THSD4: variants seen among roughly 807,000 people sequenced by gnomAD.
The protein encoded by THSD4 is thrombospondin type-1 domain-containing protein 4.
A neutral mutation model predicts 119.0 loss-of-function variants in THSD4; 69 were observed. The observed-to-expected ratio is 0.58, with a 90% confidence interval of 0.48 to 0.71. THSD4 has a LOEUF of 0.71. THSD4 is among the 30% of genes least tolerant of loss of function. The pLI is 0.00. For missense variants in THSD4, 1,393 were observed against 1,391.1 expected (o/e 1.00, Z -0.02); for synonymous variants, 524 against 540.4 (o/e 0.97, Z 0.42).
intron 7 of THSD4, among the ~76,000 whole-genome samples, chr15:71,613,532 A>T (rs142851993): frequency 1.3e-5 from 2 of 152,336 alleles, no homozygotes; most frequent in Non-Finnish European, 2.9e-5. Flanking sequence ...ACATATATAA[A>T]ATAAGTCACA....
intron 7 of THSD4, among the ~76,000 whole-genome samples, chr15:71,520,297 G>C (rs1456093016): frequency 6.6e-6 from 1 of 152,194 alleles, no homozygotes; most frequent in African/African-American, 2.4e-5. Context: ...CGTGACCTGG[G>C]AGGTTTTGAT....
intron 5 of THSD4, among the ~76,000 whole-genome samples, chr15:71,251,962 C>T (rs1312924232): frequency 1.3e-5 from 2 of 152,160 alleles, no homozygotes; most frequent in East Asian, 1.9e-4. Context: ...TATTAAAGTA[C>T]GTCTTTATTT....
At chr15:71,754,182 C>T (rs568100899) in intron 14 of THSD4, among the ~76,000 whole-genome samples, 112 of 151,084 alleles carry the variant, frequency 7.4e-4, no homozygotes, top group Admixed American at 1.4e-3. Flanking sequence ...CTCCACCTCC[C>T]GGGTTCAAGC....
intron 7 of THSD4, among the ~76,000 whole-genome samples, chr15:71,468,018 T>G (rs973306785): frequency 2.6e-5 from 4 of 152,010 alleles, no homozygotes; most frequent in African/African-American, 9.7e-5. Flanking sequence ...CTGGCTAATT[T>G]TTGTATTTTT....
intron 8 of THSD4, among the ~76,000 whole-genome samples, chr15:71,708,442 G>A (rs1205670312): frequency 6.6e-6 from 1 of 152,174 alleles, no homozygotes; most frequent in Admixed American, 6.5e-5. Flanking sequence ...ACCTGTAGTA[G>A]GGTCAGTAAT....
At chr15:71,199,746 TG>T (rs2043770393) in intron 3 of THSD4, among the ~76,000 whole-genome samples, 1 of 147,242 alleles carries the variant, frequency 6.8e-6, no homozygotes, top group Admixed American at 6.7e-5. Context: ...GTAGTGTGTG[TG>T]GGTGTGTGTG....
chr15:71,452,904 T>C (rs762256462), intron 7 of THSD4, among the ~76,000 whole-genome samples: 5 of 152,214 alleles, frequency 3.3e-5, no homozygotes, highest in Non-Finnish European at 4.4e-5. Context: ...CATGAGCCAC[T>C]GCACCTGGCC....
intron 3 of THSD4, among the ~76,000 whole-genome samples, chr15:71,163,379 C>T (rs1203607972): frequency 6.6e-6 from 1 of 151,784 alleles, no homozygotes; most frequent in Non-Finnish European, 1.5e-5. Flanking sequence ...AATTATATAA[C>T]AAAACAGCAC....
At chr15:71,430,217 A>G (rs2046923518) in intron 7 of THSD4, among the ~76,000 whole-genome samples, 1 of 152,154 alleles carries the variant, frequency 6.6e-6, no homozygotes, top group Admixed American at 6.5e-5. Flanking sequence ...AAAACAATGA[A>G]CAGGGCTAGA....
chr15:71,727,583 TATATACACACACACACACACAC>T (rs1269138921), intron 8 of THSD4, among the ~76,000 whole-genome samples: 104 of 6,842 alleles, frequency 0.015, no homozygotes, highest in Admixed American at 0.025. Context: ...TATATATATA[TATATACACACACACACACACAC>T]ACACACACAC....
At chr15:71,655,507 T>C (rs2140987634) in intron 7 of THSD4, among the ~76,000 whole-genome samples, 1 of 152,254 alleles carries the variant, frequency 6.6e-6, no homozygotes, top group Non-Finnish European at 1.5e-5. Context: ...CAAAATAAAA[T>C]ACATAAAGAC....
rs78190524 is a variant in THSD4 at position 71,764,482 on chromosome 15, C to T, written c.2590-538C>T. ...GATTGGGCTCTGTAGTCACAGTTCC[C>T]GCTGGCTGCCCTGTTGGAAGGGGAG... On this transcript the variant is annotated intron_variant, in intron 15 of 17. Transcript: ENST00000261862. Among the ~76,000 whole-genome samples, 943 of 152,332 alleles carry T rather than the reference C, an allele frequency of 6.2e-3. 12 individuals are homozygous for T. Among genetic ancestry groups the T allele is most frequent in the African/African-American group, 0.022 (895 of 41,578 alleles).
intron 10 of THSD4, among the ~76,000 whole-genome samples, chr15:71,734,191 T>A (rs2053037917): frequency 6.6e-6 from 1 of 152,142 alleles, no homozygotes; most frequent in Admixed American, 6.6e-5. Context: ...ACTTGAACAA[T>A]ATTCAGTCAA....
At chr15:71,416,218 A>G (rs1489024816) in intron 7 of THSD4, among the ~76,000 whole-genome samples, 1 of 152,196 alleles carries the variant, frequency 6.6e-6, no homozygotes, top group Non-Finnish European at 1.5e-5. Flanking sequence ...TTTATTTTGT[A>G]TATGTACCAC....
At chr15:71,709,322 TG>T (rs869288274) in intron 8 of THSD4, among the ~76,000 whole-genome samples, 3 of 151,976 alleles carry the variant, frequency 2.0e-5, no homozygotes, top group Non-Finnish European at 2.9e-5. Context: ...AAATGTAAGA[TG>T]GGGGAAAAAA....
chr15:71,285,727 A>C (rs983024282), intron 6 of THSD4, among the ~76,000 whole-genome samples: 1 of 151,912 alleles, frequency 6.6e-6, no homozygotes, highest in African/African-American at 2.4e-5. Context: ...AGTGGTGTGC[A>C]CCTGTAGTCC....
At chr15:71,410,486 G>A (rs1157925497) in intron 6 of THSD4, among the ~76,000 whole-genome samples, 1 of 152,166 alleles carries the variant, frequency 6.6e-6, no homozygotes, top group African/African-American at 2.4e-5. Context: ...GCTAGAGAGA[G>A]GGAGTGCTTA....
intron 8 of THSD4, among the ~76,000 whole-genome samples, chr15:71,688,671 T>C (rs1356146166): frequency 6.7e-6 from 1 of 148,700 alleles, no homozygotes; most frequent in African/African-American, 2.5e-5. Flanking sequence ...TGTTTTTTTC[T>C]TTTTTGTTGT....
At chr15:71,225,791 T>C (rs1434260850) in intron 4 of THSD4, among the ~76,000 whole-genome samples, 1 of 152,100 alleles carries the variant, frequency 6.6e-6, no homozygotes, top group Non-Finnish European at 1.5e-5. Context: ...TCTGCTTGTC[T>C]TGGCCTCCCA....
Sources: allele counts gnomAD v4.1 joint callset (sites outside exome capture counted in the v4.1 genomes callset), GRCh38; gene constraint gnomAD v4.1.1; transcripts MANE v1.5; gene names NCBI Gene and HGNC (gene_info 2026-07-23, HGNC 2026-07-21).